BAZ1B: variants seen among roughly 807,000 people sequenced by gnomAD.
BAZ1B encodes the protein bromodomain adjacent to zinc finger domain 1B.
BAZ1B carries 22 observed loss-of-function variants against 153.8 expected under a neutral mutation model. That is an observed-to-expected ratio of 0.14 (90% CI 0.10 to 0.20). The LOEUF (loss-of-function observed/expected upper bound fraction) is 0.20, where lower values mean the gene tolerates loss of function less well. BAZ1B is among the 10% of genes least tolerant of loss of function. The probability of loss-of-function intolerance (pLI) is 1.00; values close to 1 mark genes in which losing one functional copy is unlikely to be tolerated. For missense variants in BAZ1B, 1,325 were observed against 1,799.3 expected (o/e 0.74, Z 4.77); for synonymous variants, 676 against 633.4 (o/e 1.07, Z -1.01).
Position 73,522,114 on chromosome 7 carries a change from G to C in BAZ1B, c.-181C>G. On this transcript the variant is annotated 5_prime_UTR_variant, in exon 1 of 20. Transcript: ENST00000339594. ...CGCGGCCGCGCGACAGTCATGGAGC[G>C]GAACGCCACGGCGCAGAGCTCCCGC... The C allele has an allele frequency of 2.4e-6, 1 of 414,706 alleles. No homozygotes were observed. Among genetic ancestry groups the C allele is most frequent in the Non-Finnish European group, 4.1e-6 (1 of 241,480 alleles). 25.7% of individuals were successfully genotyped at this position (414,706 alleles called of 1,614,324 possible). A position where few individuals can be genotyped will look rare whatever the true frequency, so the allele number is the denominator to read the frequency against.
chr7:73,470,023 C>T lies in BAZ1B; in HGVS notation c.2732+322G>A, dbSNP rs189250184. On this transcript the variant is annotated intron_variant, in intron 8 of 19. Transcript: ENST00000339594. ...CGCCCAGCCCTAATTTGTGTAACTA[C>T]TAATATTTCTCCTTTAGGTTTCACA... Among the ~76,000 whole-genome samples, 137 of 152,204 alleles carry T rather than the reference C, an allele frequency of 9.0e-4. 1 individual carries two copies. The highest frequency in any genetic ancestry group is 4.8e-3 in the East Asian group (25 of 5,178).
intron 4 of BAZ1B, among the ~76,000 whole-genome samples, chr7:73,495,115 C>T: frequency 6.6e-6 from 1 of 152,152 alleles, no homozygotes; most frequent in East Asian, 1.9e-4. Context: ...GAAACCCCGT[C>T]TCTACTAAAA....
At chr7:73,494,239 T>C (rs538157647) in intron 4 of BAZ1B, among the ~76,000 whole-genome samples, 1 of 151,700 alleles carries the variant, frequency 6.6e-6, no homozygotes, top group East Asian at 2.0e-4. Context: ...AAAAATTAGC[T>C]GGGCATGGTG....
chr7:73,486,854 G>A (rs1469810796), intron 6 of BAZ1B, among the ~76,000 whole-genome samples: 3 of 152,154 alleles, frequency 2.0e-5, no homozygotes, highest in South Asian at 4.1e-4. Flanking sequence ...AATGTTTTAG[G>A]TTCTACTTAT....
At chr7:73,458,554 C>T (rs1554569860) in intron 13 of BAZ1B, among the ~76,000 whole-genome samples, 4 of 151,060 alleles carry the variant, frequency 2.6e-5, no homozygotes, top group African/African-American at 9.7e-5. Flanking sequence ...CATGCACCTG[C>T]AATTCCAGCT....
At chr7:73,486,578 G>A (rs1349651735) in intron 6 of BAZ1B, among the ~76,000 whole-genome samples, 5 of 152,054 alleles carry the variant, frequency 3.3e-5, no homozygotes, top group African/African-American at 9.7e-5. Context: ...CGCCCAACTC[G>A]GCCTCCCAAA....
At position 73,449,885 on chromosome 7, in the gene BAZ1B, G is replaced by C. The variant is rs75032158; in HGVS notation, c.3581-196C>G. Among the ~76,000 whole-genome samples, 427 of 152,254 alleles carry C rather than the reference G, an allele frequency of 2.8e-3. 2 individuals carry two copies. Among genetic ancestry groups the C allele is most frequent in the African/African-American group, 0.01 (417 of 41,546 alleles). On this transcript the variant is annotated intron_variant, in intron 14 of 19. Coordinates refer to ENST00000339594, the MANE Select transcript of BAZ1B (RefSeq NM_032408.4). The stretch of plus-strand genomic sequence containing the variant: ...ATAACTTAGATTACAGATAATTTGG[G>C]AATCAGGTCTCCTAATTTATATCCC...
At chr7:73,475,838 C>T (rs1260243141) in intron 7 of BAZ1B, among the ~76,000 whole-genome samples, 1 of 150,620 alleles carries the variant, frequency 6.6e-6, no homozygotes, top group African/African-American at 2.4e-5. Flanking sequence ...GCAGGAGAAT[C>T]GCTTGAATCC....
At chr7:73,488,342 T>C (rs964765534) in intron 6 of BAZ1B, among the ~76,000 whole-genome samples, 1 of 152,236 alleles carries the variant, frequency 6.6e-6, no homozygotes, top group Admixed American at 6.5e-5. Context: ...CTGATTAGAC[T>C]AGGCCTCAGA....
At position 73,442,475 on chromosome 7, in the gene BAZ1B, G is replaced by T; in HGVS notation, c.4173C>A (p.Asn1391Lys). 6.2e-7 allele frequency: 1 copy of T among 1,614,222 alleles called. No individual in the cohort carries two copies. Among genetic ancestry groups the T allele is most frequent in the South Asian group, 1.1e-5 (1 of 91,090 alleles). Residue 1391 changes from asparagine (N) to lysine (K), a missense_variant, in exon 19 of 20, where the codon AAC (asparagine) becomes AAA (lysine). Asn to Lys is a moderately conservative substitution (Grantham distance 94). Transcript: ENST00000339594. The part of the protein sequence containing the change: ...THPMDFQTVQ[N>K]KCSCGSYRSV... ...AGCGGTAGCTCCCACAGGAACATTTGTTCTGCACTGTCTGAAAGTCCATGG... is the reference window on the plus strand; with the variant it reads ...AGCGGTAGCTCCCACAGGAACATTTTTTCTGCACTGTCTGAAAGTCCATGG...
chr7:73,521,418 T>G (rs1554580165), intron 1 of BAZ1B, among the ~76,000 whole-genome samples: 1 of 152,168 alleles, frequency 6.6e-6, no homozygotes. Flanking sequence ...GCTGCAGGTT[T>G]CATTTAAATT....
At chr7:73,446,540 C>T (rs1272363804) in intron 16 of BAZ1B, among the ~76,000 whole-genome samples, 1 of 127,170 alleles carries the variant, frequency 7.9e-6, no homozygotes, top group Admixed American at 8.7e-5. Context: ...GACAGTGAGA[C>T]CATCTCAAAA....
rs146660631 is a variant in BAZ1B, at chr7:73,476,525, G to A, written c.2593+343C>T. ...TAAGTAATCTGCCCAAAGGAACACT[G>A]TACAGCTAAGTCAGAGCTAGAACCT... On this transcript the variant is annotated intron_variant, in intron 7 of 19. Coordinates refer to ENST00000339594, the MANE Select transcript of BAZ1B (RefSeq NM_032408.4). 2.4e-4 allele frequency among the ~76,000 whole-genome samples: 37 copies of A among 152,274 alleles called. No individual in the cohort carries two copies. In the East Asian group the frequency reaches 6.8e-3, roughly 28 times the overall value.
At chr7:73,445,639 G>A (rs1787806033) in intron 16 of BAZ1B, among the ~76,000 whole-genome samples, 1 of 152,134 alleles carries the variant, frequency 6.6e-6, no homozygotes, top group East Asian at 1.9e-4. Context: ...GGGAGGCCAA[G>A]GCAGGAGGAT....
rs1563371386 is a variant in BAZ1B, at chr7:73,462,850, G to A, written c.3249+72C>T. 3 of 1,537,366 alleles carry A rather than the reference G, an allele frequency of 2.0e-6. No homozygotes were observed. The East Asian group carries it at 6.7e-5, about 35-fold the overall frequency. ...CAGGAGGGTCATGTTGGGAAGTCAA[G>A]AACAGCACCAGGGAAGAACTTCAGA... On this transcript the variant is annotated intron_variant, in intron 12 of 19. Transcript: ENST00000339594.
At chr7:73,456,912 G>A (rs2429048) in intron 13 of BAZ1B, among the ~76,000 whole-genome samples, 1,611 of 113,844 alleles carry the variant, frequency 0.014, 35 homozygotes, top group African/African-American at 0.052. Context: ...ACTGTACTCC[G>A]GCCTCGGCGA....
At chr7:73,512,137 G>A (rs550532251) in intron 1 of BAZ1B, among the ~76,000 whole-genome samples, 2 of 147,336 alleles carry the variant, frequency 1.4e-5, no homozygotes, top group Non-Finnish European at 3.0e-5. Flanking sequence ...ATACATTAAT[G>A]ATCCATTTAC....
Position 73,442,372 on chromosome 7 carries a change from G to C in BAZ1B, c.4276C>G (p.Leu1426Val), listed in dbSNP as rs1194650635. The C allele has an allele frequency of 6.2e-7, 1 of 1,614,120 alleles. No homozygotes were observed. The highest frequency in any genetic ancestry group is 2.2e-5 in the East Asian group (1 of 44,900). Residue 1426 changes from leucine (L) to valine (V), a missense_variant, in exon 19 of 20, where the codon CTA (leucine) becomes GTA (valine). Physicochemically the swap from Leu to Val is conservative, Grantham distance 32. Around this residue, in one of 9 missense-constraint regions of BAZ1B, gnomAD observed 271 missense variants for 337.2 expected, o/e 0.80. Coordinates refer to ENST00000339594, the MANE Select transcript of BAZ1B (RefSeq NM_032408.4). Reference protein sequence around the residue: ...EVYNCRGSHVLSCMVKTEQCL... With the variant: ...EVYNCRGSHVVSCMVKTEQCL... The stretch of plus-strand genomic sequence containing the variant: ...TGTTCTGTCTTCACCATGCAGCTTA[G>C]CACATGGCTGCCACGGCAGTTGTAA...
rs1367959736 is a variant in BAZ1B, at chr7:73,522,160, G to A, written c.-227C>T. The A allele has an allele frequency of 1.3e-5, 5 of 396,500 alleles. No homozygotes were observed. The highest frequency in any genetic ancestry group is 2.2e-5 in the Non-Finnish European group (5 of 225,236). The allele number at this position is 396,500 out of a possible 1,614,324, so 24.6% of individuals were successfully genotyped here. Reference sequence around the variant, plus strand: ...CCCGCGCACACCGCCGCGCCTCCCAGCAGCCCCCCGCCGACCTCCGCTTCG... The same window carrying A: ...CCCGCGCACACCGCCGCGCCTCCCAACAGCCCCCCGCCGACCTCCGCTTCG... On this transcript the variant is annotated 5_prime_UTR_variant, in exon 1 of 20. Coordinates refer to ENST00000339594, the MANE Select transcript of BAZ1B (RefSeq NM_032408.4).
Sources: allele counts gnomAD v4.1 joint callset (sites outside exome capture counted in the v4.1 genomes callset), GRCh38; gene constraint gnomAD v4.1.1; regional missense constraint gnomAD v4.1.1; transcripts MANE v1.5; gene names NCBI Gene and HGNC (gene_info 2026-07-23, HGNC 2026-07-21).